The following SERHL2 variants were observed in gnomAD, a reference collection of about 807,000 sequenced individuals.
SERHL2 encodes the protein serine hydrolase-like protein 2.
In SERHL2, 29 loss-of-function variants were observed where a neutral mutation model predicts 25.5. The observed-to-expected ratio is 1.14, with a 90% CI of 0.85 to 1.55. The LOEUF is 1.55. Ranked by LOEUF, SERHL2 falls within the 40% of genes most tolerant of loss-of-function variation. SERHL2 has a pLI of 0.00. For synonymous variants in SERHL2, 95 were observed against 103.5 expected, an observed-to-expected ratio of 0.92 and a Z score of 0.50; for missense variants, 240 against 252.3, an observed-to-expected ratio of 0.95 and a Z score of 0.33.
At chr22:42,560,497 T>A (rs1024437026) in intron 8 of SERHL2, among the ~76,000 whole-genome samples, 1 of 151,794 alleles carries the variant, frequency 6.6e-6, no homozygotes, top group African/African-American at 2.4e-5. Context: ...AAAGCCACGC[T>A]CTGGGAGAGT....
intron 8 of SERHL2, chr22:42,563,455 C>G: frequency 2.3e-6 from 1 of 443,382 alleles, no homozygotes; most frequent in Non-Finnish European, 4.5e-6. Context: ...CCTACTGACT[C>G]GACCTCCCAA....
At position 42,574,221 on chromosome 22, in the gene SERHL2, AT is replaced by A. The variant is rs1924685366; in HGVS notation, c.*167del. The A allele has an allele frequency of 1.6e-6, 1 of 627,634 alleles. No homozygotes were observed. Among genetic ancestry groups the A allele is most frequent in the Non-Finnish European group, 2.8e-6 (1 of 356,362 alleles). 38.9% of individuals were successfully genotyped at this position (627,634 alleles called of 1,614,324 possible). On this transcript the variant is annotated 3_prime_UTR_variant, in exon 12 of 12. Coordinates refer to ENST00000327678, the MANE Select transcript of SERHL2 (RefSeq NM_014509.5). Reference sequence around the variant, plus strand: ...GAAGGAGCGAGATTCCAACTTCAACATCTGTGACCTCAAGGGGGAGACAGAG... The same window carrying A: ...GAAGGAGCGAGATTCCAACTTCAACACTGTGACCTCAAGGGGGAGACAGAG...
At chr22:42,560,288 GC>G in intron 8 of SERHL2, 23 bp downstream of exon 8, 1 of 1,549,404 alleles carries the variant, frequency 6.5e-7, no homozygotes, top group South Asian at 1.1e-5. Context: ...ACTGTCCAAG[GC>G]CATTTTATAT....
chr22:42,570,113 C>T (rs1923960306), intron 9 of SERHL2: 2 of 152,084 alleles, frequency 1.3e-5, no homozygotes, highest in Non-Finnish European at 2.9e-5. Flanking sequence ...TGACATTTCT[C>T]TAGCAGCTAT....
rs181094420 is a variant in SERHL2 at position 42,568,436 on chromosome 22, A to G, written c.648+2098A>G. ...GTGTGTGCTGACCTTCGTGGTAGGA[A>G]TTTATTGCCAGATCCTAGTCAATCT... On this transcript the variant is annotated intron_variant, in intron 9 of 11. Coordinates refer to ENST00000327678, the MANE Select transcript of SERHL2 (RefSeq NM_014509.5). 2.1e-3 allele frequency among the ~76,000 whole-genome samples: 312 copies of G among 151,456 alleles called. 6 individuals are homozygous for G. Among genetic ancestry groups the G allele is most frequent in the Middle Eastern group, 0.017 (5 of 292 alleles).
At chr22:42,564,457 G>C (rs899271153) in intron 8 of SERHL2, among the ~76,000 whole-genome samples, 1 of 151,320 alleles carries the variant, frequency 6.6e-6, no homozygotes, top group Non-Finnish European at 1.5e-5. Flanking sequence ...TTGAGACGGG[G>C]TCTTGCTTTT....
chr22:42,567,210 TGCCCAG>T (rs1180899110), intron 9 of SERHL2, among the ~76,000 whole-genome samples: 1 of 152,058 alleles, frequency 6.6e-6, no homozygotes, highest in African/African-American at 2.4e-5. Flanking sequence ...TGAGAGCTGC[TGCCCAG>T]GCCCAGGCCA....
chr22:42,556,458 G>A (rs1922160898), intron 5 of SERHL2, 56 bp from the exon 6 acceptor site: 57 of 1,611,552 alleles, frequency 3.5e-5, no homozygotes, highest in South Asian at 4.4e-5. Context: ...AGGGAAAGGC[G>A]GGAGTGTCCT....
At chr22:42,554,185 A>G (rs770791347) in intron 1 of SERHL2, 143 bp downstream of exon 1, 1,531 of 1,051,324 alleles carry the variant, frequency 1.5e-3, no homozygotes, top group Non-Finnish European at 1.8e-3. Flanking sequence ...GTCCCGGGGC[A>G]TGAGAGCGCG....
intron 9 of SERHL2, among the ~76,000 whole-genome samples, chr22:42,568,138 C>G (rs1033506674): frequency 4.6e-5 from 7 of 152,024 alleles, no homozygotes; most frequent in African/African-American, 1.7e-4. Context: ...ATCTTCCCAC[C>G]TCAGCCTCCG....
chr22:42,570,309 C>G (rs1403537843), intron 9 of SERHL2, among the ~76,000 whole-genome samples: 2 of 151,938 alleles, frequency 1.3e-5, no homozygotes, highest in African/African-American at 4.8e-5. Context: ...CCCAGCTACT[C>G]GGTAGGCTGA....
rs1406489837 is a variant in SERHL2, at chr22:42,560,261, C to T, written c.609C>T (p.Ala203=). The T allele has an allele frequency of 1.9e-6, 3 of 1,608,436 alleles. No individual in the cohort carries two copies. The highest frequency in any genetic ancestry group is 2.6e-6 in the Non-Finnish European group (3 of 1,175,030). ...LLLQRGTTKV[A]TGLVLNRDQR... is the part of the protein sequence containing the mutation. ...TGCAAAGAGGAACCACGAAGGTGGC[C>T]ACAGGTAAGGGACTCTACTGTCCAA... is the stretch of plus-strand genomic sequence containing the variant. Residue 203 remains alanine (A), a synonymous_variant, in exon 8 of 12, where the codon GCC becomes GCT. Transcript: ENST00000327678.
At chr22:42,568,502 G>C (rs573574891) in intron 9 of SERHL2, among the ~76,000 whole-genome samples, 2 of 152,030 alleles carry the variant, frequency 1.3e-5, no homozygotes, top group African/African-American at 4.8e-5. Flanking sequence ...TAGGGACCAT[G>C]TCTTATGTGA....
chr22:42,564,623 G>A (rs913737733), intron 8 of SERHL2, among the ~76,000 whole-genome samples: 4 of 151,532 alleles, frequency 2.6e-5, no homozygotes, highest in East Asian at 1.9e-4. Context: ...GTAGAGATGG[G>A]GTTCACCATG....
At position 42,566,322 on chromosome 22, in the gene SERHL2, A is replaced by C; in HGVS notation, c.632A>C (p.Asp211Ala). The C allele has an allele frequency of 1.2e-6, 2 of 1,612,188 alleles. No homozygotes were observed. Among genetic ancestry groups the C allele is most frequent in the Non-Finnish European group, 1.7e-6 (2 of 1,179,280 alleles). Residue 211 changes from aspartate to alanine, a missense_variant, in exon 9 of 12, where the codon GAC (aspartate) becomes GCC (alanine). Coordinates refer to ENST00000327678, the MANE Select transcript of SERHL2 (RefSeq NM_014509.5). ...CCTCCAGGTCTGGTTCTGAACAGAG[A>C]CCAGAGGCTCGCCTGGGTGAGTACC... ...KVATGLVLNRDQRLAWAENSI... is the reference protein window; with the variant it reads ...KVATGLVLNRAQRLAWAENSI...
intron 9 of SERHL2, among the ~76,000 whole-genome samples, chr22:42,570,418 CAAAT>C (rs925742867): frequency 7.2e-5 from 11 of 152,092 alleles, no homozygotes; most frequent in East Asian, 5.8e-4. Context: ...AACTCGGTCT[CAAAT>C]AAATAAGGCT....
At chr22:42,568,724 G>T (rs2146735506) in intron 9 of SERHL2, among the ~76,000 whole-genome samples, 1 of 152,068 alleles carries the variant, frequency 6.6e-6, no homozygotes, top group Admixed American at 6.5e-5. Flanking sequence ...CAGCACTTTG[G>T]GATGCCAAGG....
chr22:42,556,364 CATAG>C (rs1922148135), intron 5 of SERHL2, 146 bp from the exon 6 acceptor site: 3 of 626,646 alleles, frequency 4.8e-6, no homozygotes, highest in South Asian at 3.9e-5. Context: ...GAAGGCACAC[CATAG>C]ATAGAAGATT....
At chr22:42,560,107 C>T in intron 7 of SERHL2, 79 bp from the exon 8 acceptor site, 5 of 1,061,442 alleles carry the variant, frequency 4.7e-6, no homozygotes, top group South Asian at 3.8e-5. Flanking sequence ...CCACCGTCCC[C>T]CCCGGCCCTC....
Sources: allele counts gnomAD v4.1 joint callset (sites outside exome capture counted in the v4.1 genomes callset), GRCh38; gene constraint gnomAD v4.1.1; transcripts MANE v1.5; gene names NCBI Gene and HGNC (gene_info 2026-07-23, HGNC 2026-07-21).